The following TAF9 variants were observed in gnomAD, a reference collection of about 807,000 sequenced individuals.
The protein encoded by TAF9 is TATA-box binding protein associated factor 9.
A neutral mutation model predicts 16.5 loss-of-function variants in TAF9; 10 were observed. The observed-to-expected ratio is 0.61, with a 90% CI of 0.37 to 1.03. The LOEUF is 1.03. Among genes scored for constraint, TAF9 ranks in the 50% least tolerant of loss-of-function variants. The probability of loss-of-function intolerance (pLI) is 0.01; values close to 1 mark genes in which losing one functional copy is unlikely to be tolerated. For missense variants in TAF9, 288 were observed against 319.1 expected (o/e 0.90, Z 0.74); for synonymous variants, 105 against 120.5 (o/e 0.87, Z 0.84).
In TAF9 at chr5:69,364,983, T is replaced by C. The variant is rs570480786; in HGVS notation, c.755A>G (p.Asp252Gly). ...NALKRKREDD[D>G]DDDDDDDDYD... ...GTCATCATCATCATCATCGTCATCA[T>C]CATCATCTTCACGTTTTCTTTTCAA... Residue 252 changes from aspartate (D) to glycine (G), a missense_variant, in exon 3 of 3, where the codon GAT becomes GGT. By Grantham distance (94) the Asp-to-Gly change is moderately conservative. Transcript: ENST00000217893. 3.7e-6 allele frequency: 6 copies of C among 1,613,694 alleles called. No individual in the cohort carries two copies. In the East Asian group the frequency reaches 8.9e-5, roughly 24 times the overall value.
intron 2 of TAF9, among the ~76,000 whole-genome samples, 194 bp from the exon 3 acceptor site, chr5:69,365,948 T>A (rs1580320614): frequency 1.3e-5 from 2 of 152,356 alleles, no homozygotes; most frequent in East Asian, 3.9e-4. Context: ...TCCTACCATG[T>A]ACAAATCATT....
intron 1 of TAF9, among the ~76,000 whole-genome samples, chr5:69,368,080 T>C (rs990182470): frequency 1.6e-4 from 25 of 152,292 alleles, no homozygotes; most frequent in African/African-American, 5.3e-4. Flanking sequence ...ACTGACCCCT[T>C]GCGCCCTTCC....
Position 69,364,915 on chromosome 5 carries a change from T to C in TAF9, c.*28A>G, listed in dbSNP as rs1561219575. On this transcript the variant is annotated 3_prime_UTR_variant, in exon 3 of 3. Coordinates refer to ENST00000217893, the MANE Select transcript of TAF9 (RefSeq NM_003187.5). ...TCAGTACAATGAATTCAAGACCAAG[T>C]ATACATGTTACATTCAGCAAGGCTA... 1 of 1,577,758 alleles carries C rather than the reference T, an allele frequency of 6.3e-7. No homozygotes were observed. The highest frequency in any genetic ancestry group is 8.6e-7 in the Non-Finnish European group (1 of 1,161,774).
At chr5:69,366,642 T>C (rs781664484) in intron 1 of TAF9, 47 bp from the exon 2 acceptor site, 2 of 1,343,102 alleles carry the variant, frequency 1.5e-6, no homozygotes, top group East Asian at 2.3e-5. Context: ...ATACTACTTA[T>C]CACACTGCGG....
Position 69,365,448 on chromosome 5 carries a change from C to T in TAF9, c.290G>A (p.Arg97Lys), listed in dbSNP as rs1762380310. ...TGGCAAAGGGGTTTGATTTCTTTGC[C>T]TTGCAATATCTAATAAAAAATCTCT... ...PPRDFLLDIARQRNQTPLPLI... is the reference protein window; with the variant it reads ...PPRDFLLDIAKQRNQTPLPLI... The change falls in exon 3 of 3, where the codon AGG becomes AAG. Residue 97 changes from arginine to lysine, a missense_variant. Coordinates refer to ENST00000217893, the MANE Select transcript of TAF9 (RefSeq NM_003187.5). 6.2e-7 allele frequency: 1 copy of T among 1,614,136 alleles called. No homozygotes were observed. The highest frequency in any genetic ancestry group is 1.3e-5 in the African/African-American group (1 of 75,032).
chr5:69,365,740 T>C lies in TAF9; in HGVS notation c.-3A>G. The C allele has an allele frequency of 6.5e-7, 1 of 1,532,244 alleles. No individual in the cohort carries two copies. Among genetic ancestry groups the C allele is most frequent in the African/African-American group, 1.4e-5 (1 of 72,298 alleles). 94.9% of individuals were successfully genotyped at this position (1,532,244 alleles called of 1,614,324 possible). On this transcript the variant is annotated 5_prime_UTR_variant, in exon 3 of 3. It adds an upstream start codon to the 5' untranslated region. Coordinates refer to ENST00000217893, the MANE Select transcript of TAF9 (RefSeq NM_003187.5). ...GAAGCCGTCTTGCCAGACTCCATGA[T>C]ATCCGATGATCAGACTTTAGATCAT...
At chr5:69,369,227 C>CG (rs1383157251) in intron 1 of TAF9, 4 of 47,926 alleles carry the variant, frequency 8.3e-5, no homozygotes, top group African/African-American at 1.6e-4. Context: ...CCTCTCTCCA[C>CG]CCCCCCCCGC....
rs753075577 is a variant in TAF9 at position 69,365,430 on chromosome 5, G to A, written c.308C>T (p.Pro103Leu). 3 of 1,614,084 alleles carry A rather than the reference G, an allele frequency of 1.9e-6. No individual in the cohort carries two copies. The highest frequency in any genetic ancestry group is 1.1e-5 in the South Asian group (1 of 91,092). Residue 103 changes from proline (P) to leucine (L), a missense_variant, in exon 3 of 3, where the codon CCT becomes CTT. Pro to Leu is a moderately conservative substitution (Grantham distance 98). Transcript: ENST00000217893. ...TGAATATGGCTTGATCAATGGCAAA[G>A]GGGTTTGATTTCTTTGCCTTGCAAT... ...LDIARQRNQTPLPLIKPYSGP... is the reference protein window; with the variant it reads ...LDIARQRNQTLLPLIKPYSGP...
intron 1 of TAF9, 103 bp downstream of exon 1, chr5:69,369,360 C>G (rs1260629682): frequency 1.5e-6 from 2 of 1,345,422 alleles, no homozygotes; most frequent in Non-Finnish European, 2.0e-6. Flanking sequence ...CGGCCGGCCT[C>G]TGAAGAGGGC....
upstream of TAF9, chr5:69,369,584 G>T (rs1762778276): frequency 8.8e-6 from 14 of 1,599,088 alleles, no homozygotes; most frequent in South Asian, 1.6e-4. Context: ...AAAGCCCACG[G>T]CCCCAAAGGC....
chr5:69,366,460 T>TA (rs749083636), intron 2 of TAF9, 43 bp downstream of exon 2: 87,901 of 1,042,086 alleles, frequency 0.084, 1 homozygote, highest in South Asian at 0.1. Context: ...TACCAGACCT[T>TA]AAAAAAAAAA....
upstream of TAF9, chr5:69,369,615 C>G: frequency 6.3e-7 from 1 of 1,575,958 alleles, no homozygotes; most frequent in Non-Finnish European, 8.6e-7. Flanking sequence ...ACCGCGGCGC[C>G]CCTAGCCTGC....
rs768657666 is a variant in TAF9 at position 69,364,956 on chromosome 5, T to G, written c.782A>C (p.Tyr261Ser). 1.2e-6 allele frequency: 2 copies of G among 1,611,026 alleles called. No homozygotes were observed. Among genetic ancestry groups the G allele is most frequent in the Non-Finnish European group, 1.7e-6 (2 of 1,178,928 alleles). ...AGCAAGGCTAGATTACAGATTATCATAGTCATCATCATCATCATCGTCATC... is the reference window on the plus strand; with the variant it reads ...AGCAAGGCTAGATTACAGATTATCAGAGTCATCATCATCATCATCGTCATC... ...DDDDDDDDDD[Y>S]DNL is the part of the protein sequence containing the mutation. Residue 261 changes from tyrosine to serine, a missense_variant, in exon 3 of 3, where the codon TAT (tyrosine) becomes TCT (serine). Coordinates refer to ENST00000217893, the MANE Select transcript of TAF9 (RefSeq NM_003187.5).
Position 69,369,465 on chromosome 5 carries a change from G to C in TAF9, c.-113C>G, listed in dbSNP as rs748322598. 12 of 1,610,672 alleles carry C rather than the reference G, an allele frequency of 7.5e-6. No individual in the cohort carries two copies. The highest frequency in any genetic ancestry group is 3.3e-5 in the Admixed American group (2 of 59,900). On this transcript the variant is annotated splice_region_variant and 5_prime_UTR_variant, in exon 1 of 3. Transcript: ENST00000217893. ...CCCTCCCGGCCGCGCGCCCTGACCGGTGAGCAGGATGTTCGGAAGCAACAT... is the reference window on the plus strand; with the variant it reads ...CCCTCCCGGCCGCGCGCCCTGACCGCTGAGCAGGATGTTCGGAAGCAACAT...
chr5:69,369,300 A>T, intron 1 of TAF9, 163 bp downstream of exon 1: 1 of 297,354 alleles, frequency 3.4e-6, no homozygotes, highest in Non-Finnish European at 4.6e-6. Flanking sequence ...GCCTCCCGCA[A>T]CGCCCGCGAG....
chr5:69,366,923 T>A (rs1762455107), intron 1 of TAF9: 3 of 243,566 alleles, frequency 1.2e-5, no homozygotes. Context: ...CATACCCAGC[T>A]AATTTTTGTA....
chr5:69,369,619 A>C (rs1374890210), upstream of TAF9: 5 of 1,575,234 alleles, frequency 3.2e-6, no homozygotes, highest in East Asian at 1.2e-4. Context: ...CGGCGCCCCT[A>C]GCCTGCCCCG....
Position 69,365,155 on chromosome 5 carries a change from G to A in TAF9, c.583C>T (p.Gln195Ter), listed in dbSNP as rs1762364529. The A allele has an allele frequency of 1.2e-6, 2 of 1,614,114 alleles. No individual in the cohort carries two copies. Among genetic ancestry groups the A allele is most frequent in the Non-Finnish European group, 1.7e-6 (2 of 1,180,046 alleles). ...ATTGAAGCTTTTACAGCTGGAGACT[G>A]AGAAGTAGGCATCTGTACTGTAAAC... ...QRFTVQMPTS[Q>*]SPAVKASIPA... is the part of the protein sequence containing the mutation. The change falls in exon 3 of 3, where the codon CAG becomes TAG. Residue 195 changes from glutamine to a stop codon, truncating the protein, a stop_gained. Coordinates refer to ENST00000217893, the MANE Select transcript of TAF9 (RefSeq NM_003187.5). LOFTEE classifies it high-confidence loss of function.
Position 69,364,928 on chromosome 5 carries a change from T to C in TAF9, c.*15A>G. ...TTCAAGACCAAGTATACATGTTACA[T>C]TCAGCAAGGCTAGATTACAGATTAT... On this transcript the variant is annotated 3_prime_UTR_variant, in exon 3 of 3. Transcript: ENST00000217893. The C allele has an allele frequency of 1.3e-6, 2 of 1,594,918 alleles. No individual in the cohort carries two copies.
Sources: allele counts gnomAD v4.1 joint callset (sites outside exome capture counted in the v4.1 genomes callset), GRCh38; gene constraint gnomAD v4.1.1; transcripts MANE v1.5; gene names NCBI Gene and HGNC (gene_info 2026-07-23, HGNC 2026-07-21).